The following CPS1 variants were observed in gnomAD, a reference collection of about 807,000 sequenced individuals.
CPS1 encodes the protein carbamoyl-phosphate synthase [ammonia], mitochondrial.
A neutral mutation model predicts 174.6 loss-of-function variants in CPS1; 109 were observed. The ratio of observed to expected loss-of-function variants is 0.62; its 90% CI spans 0.53 to 0.73. CPS1 has a LOEUF of 0.73. CPS1 is among the 30% of genes least tolerant of loss of function. The pLI is 0.00. For synonymous variants in CPS1, 637 were observed against 632.0 expected (o/e 1.01, Z -0.12); for missense variants, 1,689 against 1,821.9 (o/e 0.93, Z 1.33).
chr2:210,595,661 G>A, intron 13 of CPS1, 79 bp downstream of exon 13: 2 of 969,082 alleles, frequency 2.1e-6, no homozygotes, highest in Non-Finnish European at 3.3e-6. Context: ...TTAGATTTAT[G>A]ACACTACCTC....
Position 210,576,394 on chromosome 2 carries a change from A to G in CPS1, c.285A>G (p.Thr95=), listed in dbSNP as rs1387364872. 6.2e-7 allele frequency: 1 copy of G among 1,613,812 alleles called. No individual in the cohort carries two copies. The change falls in exon 3 of 38, where the codon ACA becomes ACG. Residue 95 remains threonine (T), a synonymous_variant. Coordinates refer to ENST00000233072, the MANE Select transcript of CPS1 (RefSeq NM_001875.5). ...TDPAYKGQIL[T]MANPIIGNGG... The stretch of plus-strand genomic sequence containing the variant: ...CTGCCTACAAAGGACAGATTCTCAC[A>G]ATGGCCAACCCTATTATTGGGAATG...
intron 5 of CPS1, among the ~76,000 whole-genome samples, chr2:210,580,222 G>C (rs1428990536): frequency 6.6e-6 from 1 of 152,070 alleles, no homozygotes; most frequent in Non-Finnish European, 1.5e-5. Context: ...AGAGTTATTT[G>C]TAAAATTAAT....
At chr2:210,490,109 T>G (rs1274536631) in intron 1 of CPS1, among the ~76,000 whole-genome samples, 1 of 152,088 alleles carries the variant, frequency 6.6e-6, no homozygotes, top group Non-Finnish European at 1.5e-5. Flanking sequence ...ATATTTCACT[T>G]TATACACAGC....
intron 15 of CPS1, 57 bp from the exon 16 acceptor site, chr2:210,602,145 T>A (rs1237320439): frequency 1.9e-6 from 3 of 1,605,272 alleles, no homozygotes; most frequent in Non-Finnish European, 2.6e-6. Context: ...CTTGGTGTGG[T>A]CTGTTCTGCC....
intron 14 of CPS1, among the ~76,000 whole-genome samples, chr2:210,599,974 C>G (rs998008874): frequency 1.3e-5 from 2 of 152,014 alleles, no homozygotes; most frequent in Non-Finnish European, 2.9e-5. Context: ...ATAGATCAGT[C>G]TTTCTACTAT....
rs1697715271 is a variant in CPS1, at chr2:210,576,433, T to C, written c.324T>C (p.Asp108=). Residue 108 remains aspartate, a synonymous_variant, in exon 3 of 38, where the codon GAT becomes GAC. Coordinates refer to ENST00000233072, the MANE Select transcript of CPS1 (RefSeq NM_001875.5). The part of the protein sequence containing the change: ...NPIIGNGGAP[D]TTALDELGLS... ...TTATTGGGAATGGTGGAGCTCCTGA[T>C]ACTACTGCTCTGGATGAACTGGGAC... 1 of 1,613,782 alleles carries C rather than the reference T, an allele frequency of 6.2e-7. No individual in the cohort carries two copies. The highest frequency in any genetic ancestry group is 1.3e-5 in the African/African-American group (1 of 75,040).
At chr2:210,574,805 T>C (rs1402338689) in intron 2 of CPS1, among the ~76,000 whole-genome samples, 1 of 151,976 alleles carries the variant, frequency 6.6e-6, no homozygotes, top group South Asian at 2.1e-4. Flanking sequence ...TGTAAGCATA[T>C]GTTTAAAGGG....
At position 210,608,384 on chromosome 2, in the gene CPS1, C is replaced by A; in HGVS notation, c.2216C>A (p.Ala739Glu). The change falls in exon 19 of 38, where the codon GCA becomes GAA. Residue 739 changes from alanine (A) to glutamate (E), a missense_variant. Coordinates refer to ENST00000233072, the MANE Select transcript of CPS1 (RefSeq NM_001875.5). ...AGCTACCCATTGGCATTCATTGCTG[C>A]AAAGATTGCCCTAGGAATCCCACTT... Reference protein sequence around the residue: ...ATGYPLAFIAAKIALGIPLPE... With the variant: ...ATGYPLAFIAEKIALGIPLPE... The A allele has an allele frequency of 1.2e-6, 2 of 1,612,168 alleles. No homozygotes were observed. The highest frequency in any genetic ancestry group is 1.7e-6 in the Non-Finnish European group (2 of 1,178,816).
chr2:210,603,142 C>T (rs772349475), intron 16 of CPS1, among the ~76,000 whole-genome samples: 4 of 151,848 alleles, frequency 2.6e-5, no homozygotes, highest in Non-Finnish European at 4.4e-5. Context: ...AATGATTACA[C>T]GTGCAGCCAA....
rs756648544 is a variant in CPS1, at chr2:210,608,361, C to G, written c.2193C>G (p.Gly731=). 1.2e-6 allele frequency: 2 copies of G among 1,611,544 alleles called. No homozygotes were observed. Among genetic ancestry groups the G allele is most frequent in the Non-Finnish European group, 1.7e-6 (2 of 1,178,332 alleles). The change falls in exon 19 of 38, where the codon GGC becomes GGG. Residue 731 remains glycine, a splice_region_variant and synonymous_variant. Coordinates refer to ENST00000233072, the MANE Select transcript of CPS1 (RefSeq NM_001875.5). The part of the protein sequence containing the change: ...RSSALASKAT[G]YPLAFIAAKI... ...AAATAAATTTGTCTTCTTTTTATAG[C>G]TACCCATTGGCATTCATTGCTGCAA...
At chr2:210,608,292 A>C in intron 18 of CPS1, 69 bp from the exon 19 acceptor site, 1 of 1,454,712 alleles carries the variant, frequency 6.9e-7, no homozygotes, top group Non-Finnish European at 9.6e-7. Flanking sequence ...AAGAAAGACC[A>C]ATTTATGTTT....
At chr2:210,637,564 A>AT (rs1340121724) in intron 21 of CPS1, 138 bp from the exon 22 acceptor site, 2 of 910,014 alleles carry the variant, frequency 2.2e-6, no homozygotes, top group Non-Finnish European at 1.8e-6. Context: ...TTATTTGTGT[A>AT]TTTTTAAAAG....
At chr2:210,509,029 A>C (rs1296157184) in intron 1 of CPS1, among the ~76,000 whole-genome samples, 1 of 152,210 alleles carries the variant, frequency 6.6e-6, no homozygotes, top group East Asian at 1.9e-4. Flanking sequence ...AACTCATTTT[A>C]TGAGGCCAGC....
chr2:210,591,773 TTTATA>T, intron 9 of CPS1, 53 bp from the exon 10 acceptor site: 1 of 1,564,454 alleles, frequency 6.4e-7, no homozygotes, highest in Non-Finnish European at 8.8e-7. Context: ...AAGGAATACA[TTTATA>T]TTATTCTCTT....
rs548446999 is a variant in CPS1 at position 210,537,397 on chromosome 2, G to A, written c.4-19322G>A. The stretch of plus-strand genomic sequence containing the variant: ...AGAGACAGGCATAGGGTTAATAAAG[G>A]ATTTGTGTATGGGATGGTGTACTCT... On this transcript the variant is annotated intron_variant, in intron 1 of 38. Coordinates refer to the CPS1 transcript ENST00000430249. Among the ~76,000 whole-genome samples, 3 of 152,288 alleles carry A rather than the reference G, an allele frequency of 2.0e-5. No homozygotes were observed. The South Asian group carries it at 6.2e-4, about 32-fold the overall frequency.
intron 32 of CPS1, among the ~76,000 whole-genome samples, chr2:210,662,358 A>G (rs1260247866): frequency 1.3e-5 from 2 of 152,210 alleles, no homozygotes; most frequent in Non-Finnish European, 1.5e-5. Context: ...GGAAGCTGAA[A>G]TGCAGAAATA....
At chr2:210,559,620 A>G (rs1574523719) in intron 1 of CPS1, among the ~76,000 whole-genome samples, 2 of 152,310 alleles carry the variant, frequency 1.3e-5, no homozygotes, top group South Asian at 4.1e-4. Flanking sequence ...ATCTTTTTCC[A>G]TTAGTACTGA....
chr2:210,565,113 A>G (rs1390061774), intron 1 of CPS1, among the ~76,000 whole-genome samples: 1 of 152,110 alleles, frequency 6.6e-6, no homozygotes, highest in African/African-American at 2.4e-5. Flanking sequence ...AGTACTAAAT[A>G]AAATTATAAA....
rs4420657 is a variant in CPS1, at chr2:210,602,105, A to T, written c.1708-97A>T. On this transcript the variant is annotated intron_variant, in intron 15 of 37. Transcript: ENST00000233072. ...ACATTTCTAGATTCACTCTCCCCACATAAGTTGGTTTACCTGATTGCCAGA... is the reference window on the plus strand; with the variant it reads ...ACATTTCTAGATTCACTCTCCCCACTTAAGTTGGTTTACCTGATTGCCAGA... The T allele has an allele frequency of 0.09, 128,046 of 1,419,462 alleles. 6,550 individuals are homozygous for T. The highest frequency in any genetic ancestry group is 0.1 in the Non-Finnish European group (106,498 of 1,020,878). 87.9% of individuals were successfully genotyped at this position (1,419,462 alleles called of 1,614,324 possible). A position where few individuals can be genotyped will look rare whatever the true frequency, so the allele number is the denominator to read the frequency against.
Sources: allele counts gnomAD v4.1 joint callset (sites outside exome capture counted in the v4.1 genomes callset), GRCh38; gene constraint gnomAD v4.1.1; transcripts MANE v1.5; gene names NCBI Gene and HGNC (gene_info 2026-07-23, HGNC 2026-07-21).